The following MTUS1 variants were observed in gnomAD, a reference collection of about 807,000 sequenced individuals.
MTUS1 encodes microtubule-associated tumor suppressor 1.
A neutral mutation model predicts 120.8 loss-of-function variants in MTUS1; 109 were observed. The observed-to-expected ratio is 0.90, with a 90% confidence interval of 0.77 to 1.06. The LOEUF is 1.06. Among genes scored for constraint, MTUS1 ranks in the 50% least tolerant of loss-of-function variants. The pLI is 0.00. For missense variants in MTUS1, 2,210 were observed against 1,486.3 expected (o/e 1.49, Z -8.01); for synonymous variants, 737 against 550.5 (o/e 1.34, Z -4.74).
intron 6 of MTUS1, among the ~76,000 whole-genome samples, chr8:17,690,653 A>G (rs1268915482): frequency 6.6e-6 from 1 of 152,216 alleles, no homozygotes; most frequent in African/African-American, 2.4e-5. Context: ...ATAAAAAGAG[A>G]ACATCATTCT....
chr8:17,765,832 T>A (rs2049445299), intron 1 of MTUS1, among the ~76,000 whole-genome samples: 1 of 151,946 alleles, frequency 6.6e-6, no homozygotes, highest in Non-Finnish European at 1.5e-5. Context: ...CATTACTACA[T>A]CTCTTCATAA....
Position 17,793,108 on chromosome 8 carries a change from T to C in MTUS1, c.-155+7953A>G, listed in dbSNP as rs1371287970. On this transcript the variant is annotated intron_variant, in intron 1 of 14. Transcript: ENST00000693296. ...CTAAACAGAAAACAGCCCAAGTCCC[T>C]AGTCAAAAGAAATTGTCAACTTGCG... 5.3e-5 allele frequency among the ~76,000 whole-genome samples: 8 copies of C among 152,320 alleles called. No homozygotes were observed. In the East Asian group the frequency reaches 9.7e-4, roughly 18 times the overall value.
Position 17,743,885 on chromosome 8 carries a change from G to A in MTUS1, c.2092-86C>T. The A allele has an allele frequency of 3.4e-6, 4 of 1,190,626 alleles. No individual in the cohort carries two copies. The South Asian group carries it at 4.5e-5, about 14-fold the overall frequency. 73.8% of individuals were successfully genotyped at this position (1,190,626 alleles called of 1,614,324 possible). ...TGAATGGGCCCCTCCTCTAGGCCAA[G>A]GCAATTCCAAAGAAACCTAAAAAAC... On this transcript the variant is annotated intron_variant, in intron 2 of 14. Transcript: ENST00000693296.
At chr8:17,700,808 A>G (rs1409487623) in intron 6 of MTUS1, among the ~76,000 whole-genome samples, 2 of 152,216 alleles carry the variant, frequency 1.3e-5, no homozygotes, top group East Asian at 1.9e-4. Context: ...AGAAAAATAA[A>G]CGATGTGTAA....
At chr8:17,659,613 G>A (rs1809229704) in intron 8 of MTUS1, among the ~76,000 whole-genome samples, 2 of 152,100 alleles carry the variant, frequency 1.3e-5, no homozygotes, top group African/African-American at 2.4e-5. Context: ...CAGGAGAATC[G>A]CTTGAACCCG....
chr8:17,788,541 G>T (rs112034861), intron 1 of MTUS1, among the ~76,000 whole-genome samples: 44 of 152,236 alleles, frequency 2.9e-4, no homozygotes, highest in Non-Finnish European at 5.0e-4. Flanking sequence ...CCACAACCCA[G>T]TAGGGTACGA....
intron 6 of MTUS1, among the ~76,000 whole-genome samples, chr8:17,685,709 T>G (rs1409547668): frequency 6.6e-6 from 1 of 152,232 alleles, no homozygotes; most frequent in Non-Finnish European, 1.5e-5. Flanking sequence ...AAAAAGGCTC[T>G]TATTTTCTAT....
chr8:17,791,185 C>A (rs1450014174), intron 1 of MTUS1, among the ~76,000 whole-genome samples: 2 of 152,114 alleles, frequency 1.3e-5, no homozygotes, highest in Admixed American at 6.5e-5. Context: ...AGTTCTGGTC[C>A]CCAGTCTCCT....
At chr8:17,662,734 TAGG>T (rs1411102781) in intron 8 of MTUS1, among the ~76,000 whole-genome samples, 1 of 151,836 alleles carries the variant, frequency 6.6e-6, no homozygotes, top group Non-Finnish European at 1.5e-5. Context: ...CCACCATCTG[TAGG>T]AGAACTGCTG....
intron 8 of MTUS1, among the ~76,000 whole-genome samples, chr8:17,669,828 G>C (rs1437784749): frequency 6.7e-6 from 1 of 148,842 alleles, no homozygotes; most frequent in South Asian, 2.2e-4. Flanking sequence ...ATGGGTGACA[G>C]GGTAGAAAAC....
rs138073814 is a variant in MTUS1 at position 17,735,030 on chromosome 8, G to A, written c.2287+8574C>T. ...GGGCTCAAGAGATCCTCCTGTCTCA[G>A]GCTCCCGAGTAGCTAGTAGCTGAGA... is the stretch of plus-strand genomic sequence containing the variant. On this transcript the variant is annotated intron_variant, in intron 3 of 14. Transcript: ENST00000693296. 7.8e-3 allele frequency among the ~76,000 whole-genome samples: 1,188 copies of A among 152,150 alleles called. 13 individuals are homozygous for A. Among genetic ancestry groups the A allele is most frequent in the African/African-American group, 0.028 (1,147 of 41,506 alleles).
chr8:17,778,706 G>C (rs373233117), intron 1 of MTUS1, among the ~76,000 whole-genome samples: 6 of 152,172 alleles, frequency 3.9e-5, no homozygotes, highest in African/African-American at 1.2e-4. Flanking sequence ...CTACTTGGGA[G>C]GCTGAAGTGG....
chr8:17,725,430 G>C (rs144371784), intron 3 of MTUS1, among the ~76,000 whole-genome samples: 12 of 152,296 alleles, frequency 7.9e-5, no homozygotes, highest in Admixed American at 5.9e-4. Flanking sequence ...ATCCATGTGT[G>C]CTCTGCTCCG....
chr8:17,676,635 T>C, intron 7 of MTUS1: 1 of 376,484 alleles, frequency 2.7e-6, no homozygotes, highest in Non-Finnish European at 4.7e-6. Context: ...TTTAGTTAAA[T>C]ATCAGCTGCA....
rs537165768 is a variant in MTUS1, at chr8:17,749,631, C to T, written c.2091+4086G>A. ...AGCCGAGAGATCACACCACTGCACC[C>T]CCAGCCTGGGCAACAGAGAATCTGT... On this transcript the variant is annotated intron_variant, in intron 2 of 14. Transcript: ENST00000693296. Among the ~76,000 whole-genome samples the T allele has an allele frequency of 2.7e-5, 4 of 150,088 alleles. No homozygotes were observed. In the East Asian group the frequency reaches 5.9e-4, roughly 22 times the overall value.
rs183972545 is a variant in MTUS1 at position 17,762,044 on chromosome 8, C to A, written c.-154-6083G>T. ...CCTATAATACCAAGACTTTGGGAAGCCGAGGTGGGCGGATCACTTGAGGCC... is the reference window on the plus strand; with the variant it reads ...CCTATAATACCAAGACTTTGGGAAGACGAGGTGGGCGGATCACTTGAGGCC... On this transcript the variant is annotated intron_variant, in intron 1 of 14. Coordinates refer to ENST00000693296, the MANE Select transcript of MTUS1 (RefSeq NM_001363059.2). 5.4e-3 allele frequency among the ~76,000 whole-genome samples: 827 copies of A among 152,264 alleles called. 8 individuals are homozygous for A. Among genetic ancestry groups the A allele is most frequent in the African/African-American group, 0.018 (766 of 41,560 alleles).
rs868178696 is a variant in MTUS1, at chr8:17,755,620, G to C, written c.188C>G (p.Ala63Gly). 2 of 1,614,198 alleles carry C rather than the reference G, an allele frequency of 1.2e-6. No homozygotes were observed. Among genetic ancestry groups the C allele is most frequent in the Admixed American group, 3.3e-5 (2 of 60,034 alleles). The change falls in exon 2 of 15, where the codon GCT becomes GGT. Residue 63 changes from alanine (A) to glycine (G), a missense_variant. Physicochemically the swap from Ala to Gly is moderately conservative, Grantham distance 60 (BLOSUM62 0). Transcript: ENST00000693296. ...DMVVDYETDP[A>G]VVTGENISLS... is the part of the protein sequence containing the mutation. ...AGAAATATTTTCACCAGTAACTACA[G>C]CAGGGTCAGTTTCATAATCAACCAC...
rs191784527 is a variant in MTUS1 at position 17,691,627 on chromosome 8, C to T, written c.2624-7085G>A. On this transcript the variant is annotated intron_variant, in intron 6 of 14. Transcript: ENST00000693296. ...AGACTACATCTCTCGTTCTTCTTCA[C>T]CTTGGTCCTTTTGATTTCTTCTACA... Among the ~76,000 whole-genome samples the T allele has an allele frequency of 1.6e-4, 24 of 152,164 alleles. No individual in the cohort carries two copies. The East Asian group carries it at 4.4e-3, about 28-fold the overall frequency.
intron 6 of MTUS1, among the ~76,000 whole-genome samples, chr8:17,698,147 G>A (rs1818339643): frequency 6.6e-6 from 1 of 152,106 alleles, no homozygotes; most frequent in African/African-American, 2.4e-5. Flanking sequence ...GATTAATACG[G>A]TTTCTCTATC....
Sources: allele counts gnomAD v4.1 joint callset (sites outside exome capture counted in the v4.1 genomes callset), GRCh38; gene constraint gnomAD v4.1.1; transcripts MANE v1.5; gene names NCBI Gene and HGNC (gene_info 2026-07-23, HGNC 2026-07-21).